The following DZIP1 variants were observed in gnomAD, a reference collection of about 807,000 sequenced individuals.
The protein encoded by DZIP1 is DAZ interacting zinc finger protein 1, also known as cilium assembly protein DZIP1.
A neutral mutation model predicts 107.6 loss-of-function variants in DZIP1; 97 were observed. The observed-to-expected ratio is 0.90, with a 90% CI of 0.77 to 1.07. The LOEUF (loss-of-function observed/expected upper bound fraction) is 1.07. DZIP1 is among the 50% of genes least tolerant of loss of function. DZIP1 has a pLI of 0.00. For synonymous variants in DZIP1, 390 were observed against 386.4 expected (o/e 1.01, Z -0.11); for missense variants, 1,035 against 1,063.6 (o/e 0.97, Z 0.37).
chr13:95,592,849 A>G (rs1262942118), intron 16 of DZIP1, among the ~76,000 whole-genome samples: 1 of 152,218 alleles, frequency 6.6e-6, no homozygotes, highest in African/African-American at 2.4e-5. Context: ...TAAAATCATT[A>G]AGCAAAAGAA....
chr13:95,633,927 G>A (rs1877500730), intron 5 of DZIP1, among the ~76,000 whole-genome samples: 1 of 152,060 alleles, frequency 6.6e-6, no homozygotes, highest in African/African-American at 2.4e-5. Flanking sequence ...TCTACAAAAA[G>A]TAAAAATATA....
intron 10 of DZIP1, among the ~76,000 whole-genome samples, chr13:95,614,301 C>T (rs1357247738): frequency 6.6e-6 from 1 of 152,076 alleles, no homozygotes; most frequent in East Asian, 1.9e-4. Context: ...GAACCTCCCC[C>T]AAGGAGGGCA....
At chr13:95,610,136 C>CAGAG (rs2044948349) in intron 12 of DZIP1, among the ~76,000 whole-genome samples, 21 of 98,416 alleles carry the variant, frequency 2.1e-4, no homozygotes, top group South Asian at 6.3e-4. Flanking sequence ...GAGAGAGAGA[C>CAGAG]AGAGACAGAC....
chr13:95,626,178 T>C (rs1268069731), intron 7 of DZIP1, among the ~76,000 whole-genome samples: 3 of 151,328 alleles, frequency 2.0e-5, no homozygotes, highest in Non-Finnish European at 4.4e-5. Flanking sequence ...ATAAATAACC[T>C]AGCTAGAAAA....
intron 13 of DZIP1, among the ~76,000 whole-genome samples, chr13:95,609,064 G>A (rs2044888310): frequency 6.6e-6 from 1 of 152,232 alleles, no homozygotes; most frequent in Non-Finnish European, 1.5e-5. Flanking sequence ...AGTGGGGACA[G>A]ACAGGCCACC....
At chr13:95,626,836 C>T (rs1244402010) in intron 7 of DZIP1, among the ~76,000 whole-genome samples, 1 of 152,056 alleles carries the variant, frequency 6.6e-6, no homozygotes, top group Non-Finnish European at 1.5e-5. Context: ...AAGACTTGTA[C>T]ACTGAAAATT....
chr13:95,611,427 G>A lies in DZIP1; in HGVS notation c.1363+18C>T, dbSNP rs182195414. 2,004 of 1,610,842 alleles carry A rather than the reference G, an allele frequency of 1.2e-3. 3 individuals carry two copies. Among genetic ancestry groups the A allele is most frequent in the Non-Finnish European group, 1.5e-3 (1,807 of 1,177,310 alleles). On this transcript the variant is annotated intron_variant, in intron 12 of 22. Transcript: ENST00000376829. ...GGAGGTTCCCCTTGCCGCCAGTACCGGGATCCCATCCACTTACCTTTGGGT... is the reference window on the plus strand; with the variant it reads ...GGAGGTTCCCCTTGCCGCCAGTACCAGGATCCCATCCACTTACCTTTGGGT...
chr13:95,598,863 C>A (rs1052400221), intron 15 of DZIP1, among the ~76,000 whole-genome samples: 1 of 152,072 alleles, frequency 6.6e-6, no homozygotes, highest in Non-Finnish European at 1.5e-5. Context: ...GTAACAGCTC[C>A]CAAATTCCAC....
intron 7 of DZIP1, among the ~76,000 whole-genome samples, chr13:95,625,824 C>T (rs1190268484): frequency 1.3e-5 from 2 of 152,080 alleles, no homozygotes; most frequent in East Asian, 1.9e-4. Flanking sequence ...TAAGAGCCTA[C>T]ATTTAAAAAG....
At chr13:95,620,054 G>A in intron 9 of DZIP1, 107 bp from the exon 10 acceptor site, 2 of 1,229,956 alleles carry the variant, frequency 1.6e-6, no homozygotes, top group Admixed American at 2.1e-5. Context: ...CTATCTATCT[G>A]GTAAAATTTT....
chr13:95,606,309 A>C (rs4773920), intron 13 of DZIP1, among the ~76,000 whole-genome samples: 150,672 of 152,328 alleles, frequency 0.99, 74,542 homozygotes, highest in Middle Eastern at 1. Flanking sequence ...GGCTGTGCAA[A>C]CACAACCACT....
chr13:95,628,587 C>G (rs1004652005), intron 7 of DZIP1, among the ~76,000 whole-genome samples: 3 of 152,256 alleles, frequency 2.0e-5, no homozygotes, highest in Admixed American at 2.0e-4. Flanking sequence ...TACCCTTGTT[C>G]ATAGCAGCAT....
chr13:95,631,160 T>C (rs1344597094), intron 6 of DZIP1, among the ~76,000 whole-genome samples: 20 of 152,174 alleles, frequency 1.3e-4, no homozygotes, highest in Admixed American at 1.2e-3. Context: ...TGAGAACATT[T>C]AAGATCAGAA....
chr13:95,604,995 C>T (rs1023954354), intron 14 of DZIP1, among the ~76,000 whole-genome samples: 1 of 152,084 alleles, frequency 6.6e-6, no homozygotes, highest in African/African-American at 2.4e-5. Context: ...ATAAGAAGAT[C>T]AATATGTGGA....
At chr13:95,638,193 G>T (rs1418984142) in intron 5 of DZIP1, among the ~76,000 whole-genome samples, 1 of 149,734 alleles carries the variant, frequency 6.7e-6, no homozygotes, top group Non-Finnish European at 1.5e-5. Flanking sequence ...GGGTTTAAGT[G>T]ATTCTCCTGC....
rs1449960362 is a variant in DZIP1 at position 95,641,393 on chromosome 13, C to A, written c.499G>T (p.Ala167Ser). The change falls in exon 5 of 23, where the codon GCG becomes TCG. Residue 167 changes from alanine to serine, a missense_variant. Coordinates refer to ENST00000376829, the MANE Select transcript of DZIP1 (RefSeq NM_198968.4). The surrounding 1 kb of genome is among the most constrained non-coding windows in gnomAD (Gnocchi z 4.3). ...EQSKKLLTKQ[A>S]GEIKTLKEEC... The stretch of plus-strand genomic sequence containing the variant: ...TCCTTGAGCGTCTTGATCTCCCCCG[C>A]CTGCTTGGTGAGCAGCTTCTTGCTC... 1 of 1,614,140 alleles carries A rather than the reference C, an allele frequency of 6.2e-7. No homozygotes were observed. The highest frequency in any genetic ancestry group is 8.5e-7 in the Non-Finnish European group (1 of 1,179,994).
chr13:95,584,582 G>A (rs940301213), intron 22 of DZIP1, 154 bp downstream of exon 22: 11 of 1,372,696 alleles, frequency 8.0e-6, no homozygotes, highest in Non-Finnish European at 7.6e-6. Flanking sequence ...AGTGAGTTAT[G>A]CATATCCAAT....
At chr13:95,596,500 G>A (rs1167997393) in intron 15 of DZIP1, among the ~76,000 whole-genome samples, 1 of 152,166 alleles carries the variant, frequency 6.6e-6, no homozygotes, top group Non-Finnish European at 1.5e-5. Flanking sequence ...ACTAGAAACA[G>A]CAGTAACTTC....
chr13:95,599,574 A>G (rs2044555292), intron 14 of DZIP1, 150 bp from the exon 15 acceptor site: 7 of 664,562 alleles, frequency 1.1e-5, no homozygotes, highest in South Asian at 9.4e-5. Flanking sequence ...CGTTGAGGCA[A>G]TCAGTCATAG....
Sources: gnomAD v4.1 joint callset for allele counts (sites outside exome capture counted in the v4.1 genomes callset) on GRCh38, gnomAD v4.1.1 for gene constraint, Gnocchi (gnomAD v3.1) non-coding constraint, MANE v1.5 for transcripts, NCBI Gene and HGNC (gene_info 2026-07-23, HGNC 2026-07-21) for gene names.